Variants in KIF6 observed in about 807,000 individuals in gnomAD.
KIF6 encodes the protein kinesin family member 6.
In KIF6, 106 loss-of-function variants were observed where a neutral mutation model predicts 112.7. The ratio of observed to expected loss-of-function variants is 0.94; its 90% CI spans 0.80 to 1.11. The LOEUF is 1.11. KIF6 is among the 50% of genes least tolerant of loss of function. KIF6 has a pLI of 0.00. For synonymous variants in KIF6, 339 were observed against 339.9 expected (o/e 1.00, Z 0.03); for missense variants, 929 against 964.0 (o/e 0.96, Z 0.48).
At chr6:39,503,013 C>T (rs1022346666) in intron 13 of KIF6, among the ~76,000 whole-genome samples, 2 of 152,146 alleles carry the variant, frequency 1.3e-5, no homozygotes, top group South Asian at 4.1e-4. Flanking sequence ...ACAGAACTCT[C>T]CTCCCCAAAA....
At chr6:39,582,882 C>T (rs918947376) in intron 9 of KIF6, among the ~76,000 whole-genome samples, 1 of 152,160 alleles carries the variant, frequency 6.6e-6, no homozygotes, top group African/African-American at 2.4e-5. Flanking sequence ...AAGCTCTATA[C>T]ATAAAATGAC....
At chr6:39,425,673 C>CT (rs55923524) in intron 14 of KIF6, among the ~76,000 whole-genome samples, 24 of 144,532 alleles carry the variant, frequency 1.7e-4, no homozygotes, top group African/African-American at 4.6e-4. Flanking sequence ...TTTTGAGTAC[C>CT]TTTTTTTTTT....
At chr6:39,403,334 C>T (rs1768845184) in intron 15 of KIF6, among the ~76,000 whole-genome samples, 1 of 152,186 alleles carries the variant, frequency 6.6e-6, no homozygotes. Flanking sequence ...GTTGGACTCA[C>T]ACCCTTCTCC....
chr6:39,607,848 C>T (rs1782979134), intron 6 of KIF6, among the ~76,000 whole-genome samples: 1 of 152,174 alleles, frequency 6.6e-6, no homozygotes, highest in Non-Finnish European at 1.5e-5. Context: ...ACTAACATAT[C>T]TTTCAAACAA....
chr6:39,483,896 T>C (rs756961354), intron 13 of KIF6, among the ~76,000 whole-genome samples: 4 of 152,210 alleles, frequency 2.6e-5, no homozygotes, highest in Non-Finnish European at 4.4e-5. Context: ...CAAAAACATC[T>C]ATTGAATTCT....
intron 13 of KIF6, among the ~76,000 whole-genome samples, chr6:39,460,099 C>G (rs1312359771): frequency 6.7e-6 from 1 of 149,664 alleles, no homozygotes; most frequent in African/African-American, 2.5e-5. Context: ...GCATTATGCA[C>G]AATAGCAAAG....
chr6:39,346,132 C>T (rs7772119), intron 20 of KIF6, among the ~76,000 whole-genome samples: 2,163 of 26,468 alleles, frequency 0.082, 103 homozygotes, highest in Non-Finnish European at 0.11. Flanking sequence ...CCTCCCTCTC[C>T]CTCTCTCTCT....
At chr6:39,574,531 G>T (rs556435441) in intron 10 of KIF6, among the ~76,000 whole-genome samples, 141 of 152,250 alleles carry the variant, frequency 9.3e-4, no homozygotes, top group African/African-American at 3.0e-3. Flanking sequence ...TGAGAAGTTT[G>T]CTCTAAATCA....
chr6:39,701,055 C>T (rs1367171005), intron 3 of KIF6, among the ~76,000 whole-genome samples: 3 of 152,214 alleles, frequency 2.0e-5, no homozygotes, highest in Non-Finnish European at 4.4e-5. Context: ...AAAGTTGCAG[C>T]AGTTTTCAAA....
At chr6:39,623,688 A>C (rs1387709537) in intron 5 of KIF6, among the ~76,000 whole-genome samples, 3 of 152,192 alleles carry the variant, frequency 2.0e-5, no homozygotes, top group Non-Finnish European at 2.9e-5. Flanking sequence ...CGTTTTGTAG[A>C]ACATCTTCAA....
chr6:39,397,736 G>A (rs1179851257), intron 15 of KIF6, among the ~76,000 whole-genome samples: 1 of 151,820 alleles, frequency 6.6e-6, no homozygotes, highest in Non-Finnish European at 1.5e-5. Flanking sequence ...TTTGGGAGAT[G>A]AGGGAAGCTG....
At chr6:39,702,150 G>C (rs1261918686) in intron 3 of KIF6, among the ~76,000 whole-genome samples, 1 of 152,070 alleles carries the variant, frequency 6.6e-6, no homozygotes, top group East Asian at 1.9e-4. Context: ...ATTCCTAACT[G>C]TCATCTCCTT....
intron 15 of KIF6, among the ~76,000 whole-genome samples, chr6:39,417,932 C>A (rs1770041700): frequency 6.6e-6 from 1 of 152,122 alleles, no homozygotes; most frequent in Non-Finnish European, 1.5e-5. Context: ...GAAAACAGAC[C>A]ACTGGGTCCC....
At chr6:39,721,298 G>T (rs1162065887) in intron 1 of KIF6, among the ~76,000 whole-genome samples, 1 of 152,108 alleles carries the variant, frequency 6.6e-6, no homozygotes, top group African/African-American at 2.4e-5. Context: ...GAAGCCTAAG[G>T]TTCCATGAGA....
At chr6:39,426,284 G>C (rs1206886865) in intron 14 of KIF6, among the ~76,000 whole-genome samples, 1 of 152,170 alleles carries the variant, frequency 6.6e-6, no homozygotes, top group African/African-American at 2.4e-5. Context: ...TGGCTCACAT[G>C]CTCTAGTTCA....
At chr6:39,554,745 G>A (rs900412311) in intron 10 of KIF6, 10 of 162,792 alleles carry the variant, frequency 6.1e-5, no homozygotes, top group Non-Finnish European at 1.3e-4. Context: ...GGAACTCCCC[G>A]AAGAGCTGCC....
intron 15 of KIF6, among the ~76,000 whole-genome samples, chr6:39,413,932 A>T (rs74966434): frequency 0.019 from 2,926 of 152,300 alleles, 82 homozygotes; most frequent in African/African-American, 0.062. Context: ...ATTGAAAATA[A>T]ATGTGGTGAA....
chr6:39,622,070 G>A (rs2465676), intron 5 of KIF6, among the ~76,000 whole-genome samples: 1 of 151,906 alleles, frequency 6.6e-6, no homozygotes, highest in Admixed American at 6.6e-5. Flanking sequence ...AGGAGGCTGA[G>A]GCAGGAGAAT....
intron 3 of KIF6, among the ~76,000 whole-genome samples, chr6:39,680,400 T>C (rs950447967): frequency 6.6e-6 from 1 of 152,244 alleles, no homozygotes; most frequent in Non-Finnish European, 1.5e-5. Flanking sequence ...GTACCCATCA[T>C]AGCTCTGGCT....
Sources: allele counts gnomAD v4.1 joint callset (sites outside exome capture counted in the v4.1 genomes callset), GRCh38; gene constraint gnomAD v4.1.1; transcripts MANE v1.5; gene names NCBI Gene and HGNC (gene_info 2026-07-23, HGNC 2026-07-21).